The following ULK4 variants were observed in gnomAD, a reference collection of about 807,000 sequenced individuals.
ULK4 encodes inactive serine/threonine-protein kinase ULK4.
Under a neutral mutation model 160.6 loss-of-function variants are expected in ULK4, and 133 were observed. The observed-to-expected ratio is 0.83, with a 90% confidence interval of 0.72 to 0.96. The LOEUF (loss-of-function observed/expected upper bound fraction) is 0.96, where lower values mean the gene tolerates loss of function less well. Among genes scored for constraint, ULK4 ranks in the 40% least tolerant of loss-of-function variants. The pLI is 0.00. For synonymous variants in ULK4, 534 were observed against 539.8 expected, an observed-to-expected ratio of 0.99 and a Z score of 0.15; for missense variants, 1,580 against 1,499.5, an observed-to-expected ratio of 1.05 and a Z score of -0.89.
chr3:41,935,625 T>C (rs1266866409), intron 4 of ULK4, among the ~76,000 whole-genome samples, 176 bp downstream of exon 4: 2 of 152,132 alleles, frequency 1.3e-5, no homozygotes, highest in Non-Finnish European at 2.9e-5. Flanking sequence ...CCTCCCAAAG[T>C]GCTAGGATTA....
intron 35 of ULK4, among the ~76,000 whole-genome samples, chr3:41,391,409 T>A (rs2081954965): frequency 6.6e-6 from 1 of 152,104 alleles, no homozygotes; most frequent in Admixed American, 6.6e-5. Context: ...CCCCATTCTG[T>A]TTTCCTTTAA....
chr3:41,708,862 T>C (rs925115706), intron 25 of ULK4, among the ~76,000 whole-genome samples: 4 of 152,240 alleles, frequency 2.6e-5, no homozygotes, highest in Admixed American at 6.5e-5. Flanking sequence ...ATACAATTCT[T>C]ATTCATCAAT....
intron 36 of ULK4, among the ~76,000 whole-genome samples, chr3:41,247,573 G>A (rs1427114476): frequency 1.3e-5 from 2 of 150,630 alleles, no homozygotes; most frequent in Non-Finnish European, 2.9e-5. Context: ...GCACACTCTT[G>A]ACTGCACAGA....
chr3:41,811,203 G>A (rs1320102543), intron 19 of ULK4, among the ~76,000 whole-genome samples: 1 of 151,016 alleles, frequency 6.6e-6, no homozygotes, highest in African/African-American at 2.4e-5. Flanking sequence ...TATTTTTTAA[G>A]TTTTATTATT....
chr3:41,782,787 T>G (rs564656858), intron 21 of ULK4, among the ~76,000 whole-genome samples: 2 of 152,304 alleles, frequency 1.3e-5, no homozygotes, highest in East Asian at 3.9e-4. Flanking sequence ...ACTAAGGATG[T>G]CCATACAAAA....
intron 18 of ULK4, among the ~76,000 whole-genome samples, chr3:41,831,531 A>ATATATATATATATATATATTT: frequency 2.9e-5 from 4 of 138,060 alleles, no homozygotes; most frequent in African/African-American, 8.5e-5. Flanking sequence ...ATATATATAT[A>ATATATATATATATATATATTT]TTTTTTTTTC....
At chr3:41,711,351 G>T (rs143046663) in intron 25 of ULK4, among the ~76,000 whole-genome samples, 43 of 152,278 alleles carry the variant, frequency 2.8e-4, no homozygotes, top group Non-Finnish European at 4.7e-4. Flanking sequence ...TGCTGGCTAG[G>T]GGGTGTGAAG....
At chr3:41,874,906 G>A (rs543286385) in intron 17 of ULK4, among the ~76,000 whole-genome samples, 147 of 152,326 alleles carry the variant, frequency 9.7e-4, no homozygotes, top group Admixed American at 4.9e-3. Context: ...AGGTGCAGTA[G>A]CTCATGCCTG....
At chr3:41,890,033 A>G (rs752591168) in intron 16 of ULK4, among the ~76,000 whole-genome samples, 1 of 152,268 alleles carries the variant, frequency 6.6e-6, no homozygotes, top group African/African-American at 2.4e-5. Context: ...TTCCATTTAT[A>G]TGAAATATCA....
chr3:41,412,407 T>G (rs538503783), intron 34 of ULK4, among the ~76,000 whole-genome samples: 1 of 151,872 alleles, frequency 6.6e-6, no homozygotes, highest in South Asian at 2.1e-4. Flanking sequence ...AGTTTTTTTT[T>G]TTTTTTGGTA....
chr3:41,642,754 A>G (rs898650365), intron 30 of ULK4, among the ~76,000 whole-genome samples: 22 of 152,298 alleles, frequency 1.4e-4, no homozygotes, highest in Admixed American at 5.2e-4. Flanking sequence ...AGATCCCTGA[A>G]GAATCACCAC....
chr3:41,824,542 C>T lies in ULK4; in HGVS notation c.1765-5036G>A, dbSNP rs565250235. Reference sequence around the variant, plus strand: ...TATCCCACGCCTGGCTCGGAGGGTCCTACGCCCATGAAGCCTCGCTCATTG... The same window carrying T: ...TATCCCACGCCTGGCTCGGAGGGTCTTACGCCCATGAAGCCTCGCTCATTG... On this transcript the variant is annotated intron_variant, in intron 18 of 36. Transcript: ENST00000301831. Among the ~76,000 whole-genome samples the T allele has an allele frequency of 5.6e-4, 86 of 152,296 alleles. 1 individual carries two copies. The highest frequency in any genetic ancestry group is 1.0e-3 in the African/African-American group (43 of 41,556).
intron 34 of ULK4, among the ~76,000 whole-genome samples, chr3:41,417,128 G>A (rs572122033): frequency 6.6e-6 from 1 of 152,296 alleles, no homozygotes; most frequent in Admixed American, 6.5e-5. Flanking sequence ...GTGAGAGACA[G>A]TGAAGAGTGA....
intron 20 of ULK4, among the ~76,000 whole-genome samples, chr3:41,793,523 T>A (rs2040210638): frequency 6.6e-6 from 1 of 152,078 alleles, no homozygotes; most frequent in Non-Finnish European, 1.5e-5. Context: ...CCCTGAGAGA[T>A]CTTAAGATAT....
At chr3:41,734,625 AAAG>A (rs906763524) in intron 22 of ULK4, among the ~76,000 whole-genome samples, 3 of 152,206 alleles carry the variant, frequency 2.0e-5, no homozygotes, top group Admixed American at 2.0e-4. Flanking sequence ...GGAAACCAAC[AAAG>A]AAGAGACTGA....
chr3:41,685,522 C>G (rs553232724), intron 27 of ULK4, among the ~76,000 whole-genome samples: 1 of 152,272 alleles, frequency 6.6e-6, no homozygotes, highest in South Asian at 2.1e-4. Flanking sequence ...ATTCCAAGAA[C>G]TGTCCTTAGG....
intron 32 of ULK4, among the ~76,000 whole-genome samples, chr3:41,564,540 C>A (rs2087721227): frequency 6.8e-6 from 1 of 147,848 alleles, no homozygotes; most frequent in African/African-American, 2.5e-5. Context: ...CTCACTGCAA[C>A]CTCCACCTCC....
intron 25 of ULK4, among the ~76,000 whole-genome samples, chr3:41,713,921 G>GA (rs934727099): frequency 1.5e-4 from 22 of 150,196 alleles, no homozygotes; most frequent in South Asian, 4.2e-4. Flanking sequence ...TACTACACAT[G>GA]AAAAAAAAAG....
At chr3:41,859,824 A>ATTTT (rs397875093) in intron 17 of ULK4, among the ~76,000 whole-genome samples, 7 of 115,882 alleles carry the variant, frequency 6.0e-5, no homozygotes, top group South Asian at 2.8e-4. Flanking sequence ...TGCCTGGCTA[A>ATTTT]TTTTTTTTTT....
Sources: gnomAD v4.1 joint callset for allele counts (sites outside exome capture counted in the v4.1 genomes callset) on GRCh38, gnomAD v4.1.1 for gene constraint, MANE v1.5 for transcripts, NCBI Gene and HGNC (gene_info 2026-07-23, HGNC 2026-07-21) for gene names.